Variants in API5 observed in about 807,000 individuals in gnomAD.
API5 encodes apoptosis inhibitor 5.
In API5, 6 loss-of-function variants were observed where a neutral mutation model predicts 71.9. The observed-to-expected ratio is 0.08, with a 90% confidence interval of 0.05 to 0.16. The LOEUF (loss-of-function observed/expected upper bound fraction) is 0.16, where lower values mean the gene tolerates loss of function less well. Ranked by LOEUF, API5 falls within the 10% of genes least tolerant of loss-of-function variation. The probability of loss-of-function intolerance (pLI) is 1.00; values close to 1 mark genes in which losing one functional copy is unlikely to be tolerated. For missense variants in API5, 332 were observed against 612.8 expected (o/e 0.54, Z 4.84); for synonymous variants, 189 against 221.3 (o/e 0.85, Z 1.30).
chr11:43,330,120 G>T, intron 10 of API5, 62 bp downstream of exon 10: 1 of 1,350,358 alleles, frequency 7.4e-7, no homozygotes. Context: ...ATAGACTTGT[G>T]TTGGGAGTTT....
At chr11:43,312,677 C>T (rs529154467) in intron 1 of API5, among the ~76,000 whole-genome samples, 3 of 152,220 alleles carry the variant, frequency 2.0e-5, no homozygotes, top group Admixed American at 1.3e-4. Context: ...AAGAGGGACT[C>T]TTTGGTCCAG....
chr11:43,323,991 A>G (rs936711656), intron 6 of API5, among the ~76,000 whole-genome samples: 1 of 152,188 alleles, frequency 6.6e-6, no homozygotes, highest in Non-Finnish European at 1.5e-5. Context: ...GAGAACCCAA[A>G]GCAGCAAGAA....
chr11:43,343,346 T>C lies in API5; in HGVS notation c.*836T>C, dbSNP rs1286991842. The stretch of plus-strand genomic sequence containing the variant: ...GTTATTAACTTGTTATTTAGGTTTT[T>C]ACTCCCAGTAGCAAGGGATTCTAAG... On this transcript the variant is annotated 3_prime_UTR_variant, in exon 14 of 14. Coordinates refer to ENST00000531273, the MANE Select transcript of API5 (RefSeq NM_001142930.2). 6.6e-6 allele frequency: 1 copy of C among 152,338 alleles called. No individual in the cohort carries two copies. The highest frequency in any genetic ancestry group is 1.9e-4 in the East Asian group (1 of 5,198). The allele number at this position is 152,338 out of a possible 1,614,324, so 9.4% of individuals were successfully genotyped here.
chr11:43,330,310 G>T, intron 10 of API5, 198 bp from the exon 11 acceptor site: 1 of 624,496 alleles, frequency 1.6e-6, no homozygotes. Context: ...CAGATTATTT[G>T]CTTTCTTTGC....
chr11:43,318,559 C>CTA, intron 1 of API5, 81 bp from the exon 2 acceptor site: 1 of 1,586,118 alleles, frequency 6.3e-7, no homozygotes, highest in South Asian at 1.1e-5. Flanking sequence ...AAAGCACACT[C>CTA]TAACATGTTT....
rs1349355207 is a variant in API5 at position 43,327,771 on chromosome 11, G to A, written c.856-18G>A. On this transcript the variant is annotated intron_variant, in intron 7 of 13. Coordinates refer to ENST00000531273, the MANE Select transcript of API5 (RefSeq NM_001142930.2). ...TTGCTTATTCAAAAAAACAGTAATAGTGAATTGTGTGTTTTAGGTATTGAA... is the reference window on the plus strand; with the variant it reads ...TTGCTTATTCAAAAAAACAGTAATAATGAATTGTGTGTTTTAGGTATTGAA... 1.3e-6 allele frequency: 2 copies of A among 1,590,550 alleles called. No individual in the cohort carries two copies. Among genetic ancestry groups the A allele is most frequent in the African/African-American group, 1.3e-5 (1 of 74,242 alleles).
In API5 at chr11:43,312,602, G is replaced by A. The variant is rs557832379; in HGVS notation, c.69+406G>A. On this transcript the variant is annotated intron_variant, in intron 1 of 13. Coordinates refer to ENST00000531273, the MANE Select transcript of API5 (RefSeq NM_001142930.2). ...AGGTCAAGATGTGTTTTTTTTGGGG[G>A]GGAGGCAAAATTCTGCTACTAATTG... Among the ~76,000 whole-genome samples the A allele has an allele frequency of 9.2e-5, 14 of 152,134 alleles. No homozygotes were observed. In the East Asian group the frequency reaches 1.2e-3, roughly 13 times the overall value.
At chr11:43,318,574 T>C (rs1854756234) in intron 1 of API5, 66 bp from the exon 2 acceptor site, 13 of 1,590,490 alleles carry the variant, frequency 8.2e-6, no homozygotes, top group Middle Eastern at 3.3e-4. Context: ...ATGTTTGTTA[T>C]GGTCTTTTAC....
intron 1 of API5, among the ~76,000 whole-genome samples, chr11:43,314,517 A>G (rs1303507563): frequency 1.3e-5 from 2 of 152,236 alleles, no homozygotes; most frequent in South Asian, 2.1e-4. Context: ...GTGAAAAATG[A>G]AAAAGGATAC....
intron 11 of API5, among the ~76,000 whole-genome samples, chr11:43,332,734 C>T (rs561251373): frequency 6.6e-6 from 1 of 152,096 alleles, no homozygotes; most frequent in Non-Finnish European, 1.5e-5. Context: ...TATGGAGGCT[C>T]CATTACATAG....
chr11:43,312,247 C>T (rs747506188), intron 1 of API5, 51 bp downstream of exon 1: 4 of 1,580,670 alleles, frequency 2.5e-6, no homozygotes, highest in Non-Finnish European at 3.5e-6. Context: ...CGCGGCCTTT[C>T]GAAAGCGCTT....
At chr11:43,320,977 T>C (rs1365572019) in intron 3 of API5, 63 bp downstream of exon 3, 10 of 1,405,054 alleles carry the variant, frequency 7.1e-6, no homozygotes, top group African/African-American at 1.4e-5. Context: ...ATGTTGACTC[T>C]GTTTTTAGGT....
At chr11:43,325,332 T>A (rs941301554) in intron 6 of API5, among the ~76,000 whole-genome samples, 4 of 152,146 alleles carry the variant, frequency 2.6e-5, no homozygotes, top group African/African-American at 9.7e-5. Flanking sequence ...CATTGATGCT[T>A]TATGAAAAGT....
chr11:43,341,627 T>G (rs1327809429), intron 13 of API5, among the ~76,000 whole-genome samples: 1 of 152,088 alleles, frequency 6.6e-6, no homozygotes, highest in East Asian at 1.9e-4. Context: ...TGTGGGAGGA[T>G]GCAAAATAAC....
At chr11:43,316,354 T>C (rs1230294158) in intron 1 of API5, among the ~76,000 whole-genome samples, 5 of 149,482 alleles carry the variant, frequency 3.3e-5, no homozygotes, top group Non-Finnish European at 5.9e-5. Context: ...TTAATATTTT[T>C]TTCTTGGCAA....
chr11:43,336,498 T>C (rs1367702431), intron 13 of API5, among the ~76,000 whole-genome samples: 1 of 152,180 alleles, frequency 6.6e-6, no homozygotes, highest in Admixed American at 6.5e-5. Flanking sequence ...ATGTGTTCTA[T>C]TGCAGTCTCT....
At chr11:43,316,122 G>A (rs1189063019) in intron 1 of API5, among the ~76,000 whole-genome samples, 2 of 149,600 alleles carry the variant, frequency 1.3e-5, no homozygotes, top group African/African-American at 2.4e-5. Flanking sequence ...CACTCTTGTA[G>A]TAGGGTTTTT....
At chr11:43,324,283 G>T (rs1478807200) in intron 6 of API5, among the ~76,000 whole-genome samples, 6 of 152,212 alleles carry the variant, frequency 3.9e-5, no homozygotes, top group African/African-American at 1.2e-4. Flanking sequence ...CTCCCAAAGT[G>T]CTGGGATTAC....
In API5 at chr11:43,342,565, C is replaced by T. The variant is rs752959998; in HGVS notation, c.*55C>T. On this transcript the variant is annotated 3_prime_UTR_variant, in exon 14 of 14. Transcript: ENST00000531273. ...ATGAGCTTAATATACTTAAATTCTACTACTCATTGGATTGCCGGGGATGTC... is the reference window on the plus strand; with the variant it reads ...ATGAGCTTAATATACTTAAATTCTATTACTCATTGGATTGCCGGGGATGTC... 7 of 1,564,892 alleles carry T rather than the reference C, an allele frequency of 4.5e-6. No individual in the cohort carries two copies. The highest frequency in any genetic ancestry group is 2.7e-5 in the African/African-American group (2 of 73,902).
Sources: gnomAD v4.1 joint callset for allele counts (sites outside exome capture counted in the v4.1 genomes callset) on GRCh38, gnomAD v4.1.1 for gene constraint, MANE v1.5 for transcripts, NCBI Gene and HGNC (gene_info 2026-07-23, HGNC 2026-07-21) for gene names.